Variants in DLC1 observed in about 807,000 individuals in gnomAD.
The protein encoded by DLC1 is rho GTPase-activating protein 7.
Under a neutral mutation model 140.3 loss-of-function variants are expected in DLC1, and 54 were observed. That is an observed-to-expected ratio of 0.38 (90% CI 0.31 to 0.48). DLC1 has a LOEUF of 0.48. Ranked by LOEUF, DLC1 falls within the 20% of genes least tolerant of loss-of-function variation. DLC1 has a pLI of 0.96. For missense variants in DLC1, 2,536 were observed against 1,907.0 expected (o/e 1.33, Z -6.14); for synonymous variants, 986 against 728.1 (o/e 1.35, Z -5.70).
At chr8:13,226,788 C>G (rs1307555772) in intron 5 of DLC1, among the ~76,000 whole-genome samples, 3 of 152,172 alleles carry the variant, frequency 2.0e-5, no homozygotes, top group African/African-American at 4.8e-5. Context: ...TCCATTGACT[C>G]AGAGTAGCTT....
At chr8:13,242,757 T>C (rs1252389122) in intron 5 of DLC1, among the ~76,000 whole-genome samples, 2 of 152,140 alleles carry the variant, frequency 1.3e-5, no homozygotes, top group African/African-American at 4.8e-5. Context: ...TTAGTGATGA[T>C]TCAATGTGTG....
intron 5 of DLC1, among the ~76,000 whole-genome samples, chr8:13,231,327 G>A (rs756391070): frequency 6.6e-6 from 1 of 152,130 alleles, no homozygotes; most frequent in Non-Finnish European, 1.5e-5. Context: ...TAACCTTGGA[G>A]TCAAAGGAAC....
intron 2 of DLC1, among the ~76,000 whole-genome samples, chr8:13,495,963 T>A (rs1801481744): frequency 1.3e-5 from 2 of 152,230 alleles, no homozygotes; most frequent in Admixed American, 1.3e-4. Context: ...CACATGATTA[T>A]CAGATAATGA....
At chr8:13,313,768 G>A (rs974842922) in intron 4 of DLC1, among the ~76,000 whole-genome samples, 2 of 152,064 alleles carry the variant, frequency 1.3e-5, no homozygotes, top group Admixed American at 6.6e-5. Context: ...ATTATTTTCT[G>A]TGAGATTTTG....
chr8:13,517,443 A>G (rs183592710), upstream of DLC1, among the ~76,000 whole-genome samples: 218 of 152,318 alleles, frequency 1.4e-3, 1 homozygote, highest in African/African-American at 5.0e-3. Context: ...GTTTTCTTCT[A>G]TTAATAGGAT....
At chr8:13,178,963 C>T (rs1825896081) in intron 5 of DLC1, among the ~76,000 whole-genome samples, 1 of 152,138 alleles carries the variant, frequency 6.6e-6, no homozygotes, top group South Asian at 2.1e-4. Context: ...CACCAAAAGA[C>T]ATGTATTGAA....
intron 5 of DLC1, among the ~76,000 whole-genome samples, chr8:13,203,671 G>A (rs1042513655): frequency 2.0e-5 from 3 of 152,042 alleles, no homozygotes; most frequent in African/African-American, 4.8e-5. Context: ...TGGTGTACTC[G>A]GTTGTAAACA....
At position 13,090,301 on chromosome 8, in the gene DLC1, C is replaced by G. The variant is rs778972387; in HGVS notation, c.4025G>C (p.Gly1342Ala). 20 of 1,614,070 alleles carry G rather than the reference C, an allele frequency of 1.2e-5. No homozygotes were observed. In the Admixed American group the frequency reaches 1.5e-4, roughly 12 times the overall value. The change falls in exon 15 of 18, where the codon GGC becomes GCC. Residue 1342 changes from glycine (G) to alanine (A), a missense_variant. By Grantham distance (60) the Gly-to-Ala change is moderately conservative (BLOSUM62 0). Transcript: ENST00000276297. Reference sequence around the variant, plus strand: ...CTCCGAAGTGGAGTAGCTGACCCAGCCTTTAAACTTCTCTTTGACTTCTTT... The same window carrying G: ...CTCCGAAGTGGAGTAGCTGACCCAGGCTTTAAACTTCTCTTTGACTTCTTT... ...LFKEVKEKFK[G>A]WVSYSTSEQA... is the part of the protein sequence containing the mutation.
chr8:13,250,099 C>T (rs1328761994), intron 5 of DLC1, among the ~76,000 whole-genome samples: 1 of 152,200 alleles, frequency 6.6e-6, no homozygotes, highest in South Asian at 2.1e-4. Flanking sequence ...ATTGTTGTGT[C>T]CCCATTGCCT....
chr8:13,442,997 A>G (rs1048474628), intron 2 of DLC1, among the ~76,000 whole-genome samples: 2 of 152,180 alleles, frequency 1.3e-5, no homozygotes, highest in African/African-American at 2.4e-5. Flanking sequence ...AATGTGGCAC[A>G]TATACACCAT....
At chr8:13,142,343 A>G (rs1823068044) in intron 5 of DLC1, among the ~76,000 whole-genome samples, 2 of 152,232 alleles carry the variant, frequency 1.3e-5, no homozygotes, top group Non-Finnish European at 2.9e-5. Flanking sequence ...TCTGATCTCT[A>G]TTATACAGAT....
At chr8:13,451,069 G>GAAAAAAAAAAAAAAAAAA (rs1260134155) in intron 2 of DLC1, among the ~76,000 whole-genome samples, 1 of 67,974 alleles carries the variant, frequency 1.5e-5, no homozygotes, top group Admixed American at 1.7e-4. Context: ...AAAAAAAAAA[G>GAAAAAAAAAAAAAAAAAA]AAAAAAAGAA....
intron 1 of DLC1, among the ~76,000 whole-genome samples, chr8:13,554,211 G>A (rs1193614441): frequency 6.6e-6 from 1 of 151,910 alleles, no homozygotes; most frequent in Non-Finnish European, 1.5e-5. Context: ...GAATTACAGA[G>A]GCCCGCCAAC....
In DLC1 at chr8:13,126,703, T is replaced by C. The variant is rs567991937; in HGVS notation, c.1349-11046A>G. Among the ~76,000 whole-genome samples, 9 of 152,336 alleles carry C rather than the reference T, an allele frequency of 5.9e-5. No homozygotes were observed. In the South Asian group the frequency reaches 1.9e-3, roughly 32 times the overall value. ...CAAACCTAGAGTAACCCTGTCTCTA[T>C]TATTAAAAGTTGGCATACAAATAAA... On this transcript the variant is annotated intron_variant, in intron 5 of 17. Transcript: ENST00000276297.
At chr8:13,600,202 G>C (rs533519997) in intron 1 of DLC1, among the ~76,000 whole-genome samples, 9 of 151,838 alleles carry the variant, frequency 5.9e-5, no homozygotes, top group Non-Finnish European at 1.3e-4. Flanking sequence ...ATTTAAGCTA[G>C]TGCACTATGA....
At position 13,395,720 on chromosome 8, in the gene DLC1, G is replaced by T. The variant is rs149006712; in HGVS notation, c.1174-2027C>A. On this transcript the variant is annotated intron_variant, in intron 3 of 17. Coordinates refer to ENST00000276297, the MANE Select transcript of DLC1 (RefSeq NM_182643.3). ...GTACAAAAGACATACGCAGCAAAAAGTAATGTTACACTCTTTAAATGTATG... is the reference window on the plus strand; with the variant it reads ...GTACAAAAGACATACGCAGCAAAAATTAATGTTACACTCTTTAAATGTATG... 2.2e-4 allele frequency among the ~76,000 whole-genome samples: 33 copies of T among 151,786 alleles called. No individual in the cohort carries two copies. The East Asian group carries it at 5.1e-3, about 23-fold the overall frequency.
Position 13,085,569 on chromosome 8 carries a change from C to A in DLC1, c.*242G>T. On this transcript the variant is annotated 3_prime_UTR_variant, in exon 18 of 18. Transcript: ENST00000276297. The stretch of plus-strand genomic sequence containing the variant: ...CTCAGAAGCAATTTGAATAAGAATA[C>A]ACATAAATTTTTTTTTTTTTTTTGC... 2 of 363,136 alleles carry A rather than the reference C, an allele frequency of 5.5e-6. No homozygotes were observed. The highest frequency in any genetic ancestry group is 4.9e-5 in the East Asian group (1 of 20,492). 22.5% of individuals were successfully genotyped at this position (363,136 alleles called of 1,614,324 possible). A position where few individuals can be genotyped will look rare whatever the true frequency, so the allele number is the denominator to read the frequency against.
chr8:13,509,508 G>A (rs1802260856), intron 1 of DLC1, among the ~76,000 whole-genome samples: 1 of 152,008 alleles, frequency 6.6e-6, no homozygotes, highest in Non-Finnish European at 1.5e-5. Context: ...ATCACCAAGT[G>A]TTTTTCTTAA....
At chr8:13,371,578 A>C (rs1186033594) in intron 4 of DLC1, among the ~76,000 whole-genome samples, 1 of 127,070 alleles carries the variant, frequency 7.9e-6, no homozygotes, top group Non-Finnish European at 1.6e-5. Context: ...CTTGGCTCAC[A>C]ATGACTTTTT....
Sources: gnomAD v4.1 joint callset for allele counts (sites outside exome capture counted in the v4.1 genomes callset) on GRCh38, gnomAD v4.1.1 for gene constraint, MANE v1.5 for transcripts, NCBI Gene and HGNC (gene_info 2026-07-23, HGNC 2026-07-21) for gene names.